GPD2: variants seen among roughly 807,000 people sequenced by gnomAD.
GPD2 encodes glycerol-3-phosphate dehydrogenase 2.
A neutral mutation model predicts 82.4 loss-of-function variants in GPD2; 54 were observed. The ratio of observed to expected loss-of-function variants is 0.66; its 90% CI spans 0.53 to 0.82. The LOEUF (loss-of-function observed/expected upper bound fraction) is 0.82. Among genes scored for constraint, GPD2 ranks in the 40% least tolerant of loss-of-function variants. The pLI is 0.00. For missense variants in GPD2, 748 were observed against 896.2 expected, an observed-to-expected ratio of 0.83 and a Z score of 2.11; for synonymous variants, 288 against 306.1, an observed-to-expected ratio of 0.94 and a Z score of 0.62.
the GPD2 span, among the ~76,000 whole-genome samples, chr2:156,416,788 AC>A: frequency 1.6e-3 from 248 of 152,272 alleles, no homozygotes; most frequent in African/African-American, 5.7e-3. Context: ...TTGGCAATAG[AC>A]ACAATAAATA....
chr2:156,540,764 A>C (rs1043932414), intron 6 of GPD2, among the ~76,000 whole-genome samples: 4 of 152,206 alleles, frequency 2.6e-5, no homozygotes, highest in Admixed American at 6.5e-5. Flanking sequence ...CCTATCCTTC[A>C]TGACATACAG....
chr2:156,535,254 T>A (rs1330913433), intron 6 of GPD2, among the ~76,000 whole-genome samples: 2 of 149,192 alleles, frequency 1.3e-5, no homozygotes. Context: ...GATTTTATGC[T>A]GATGGGAAGG....
At chr2:156,438,421 A>AACT (rs1184388601) in intron 1 of GPD2, among the ~76,000 whole-genome samples, 6 of 152,224 alleles carry the variant, frequency 3.9e-5, no homozygotes, top group Admixed American at 2.6e-4. Flanking sequence ...GAATGTAGTT[A>AACT]GCTTGAAAAT....
chr2:156,449,856 C>CAAAAAAAAAAAAAAAAAAAAA (rs70987037), intron 1 of GPD2, among the ~76,000 whole-genome samples: 8 of 83,990 alleles, frequency 9.5e-5, no homozygotes, highest in African/African-American at 1.2e-4. Context: ...ACTAAATATA[C>CAAAAAAAAAAAAAAAAAAAAA]AAAAAAAAAA....
At chr2:156,577,426 G>A (rs551019663) in intron 13 of GPD2, among the ~76,000 whole-genome samples, 2 of 152,110 alleles carry the variant, frequency 1.3e-5, no homozygotes, top group Non-Finnish European at 2.9e-5. Flanking sequence ...GGTAGAAGCT[G>A]CAGTGAGCCA....
At chr2:156,538,820 C>CAA (rs34693625) in intron 6 of GPD2, among the ~76,000 whole-genome samples, 14,927 of 109,346 alleles carry the variant, frequency 0.14, 1,442 homozygotes, top group Non-Finnish European at 0.16. Context: ...GACTGCATCT[C>CAA]AAAAAAAAAA....
chr2:156,512,364 A>G (rs369349969), intron 5 of GPD2, 47 bp downstream of exon 5: 1 of 877,316 alleles, frequency 1.1e-6, no homozygotes, highest in Admixed American at 1.7e-5. Context: ...TCTGCGGTCA[A>G]TAGAACAACA....
chr2:156,583,165 A>G lies in GPD2; in HGVS notation c.*247A>G. The G allele has an allele frequency of 2.2e-6, 1 of 463,846 alleles. No individual in the cohort carries two copies. The highest frequency in any genetic ancestry group is 4.0e-6 in the Non-Finnish European group (1 of 252,418). The allele number at this position is 463,846 out of a possible 1,614,324, so 28.7% of individuals were successfully genotyped here. On this transcript the variant is annotated 3_prime_UTR_variant, in exon 17 of 17. Transcript: ENST00000438166. ...CTTTTTCTCATTTTCAATGCACATT[A>G]GTTTTGCATCTGTTTTGTGACCTGT...
chr2:156,407,816 A>G, the GPD2 span, among the ~76,000 whole-genome samples: 1 of 152,164 alleles, frequency 6.6e-6, no homozygotes, highest in Non-Finnish European at 1.5e-5. Context: ...GTACATTTTA[A>G]ATATTGCAAA....
At chr2:156,504,865 G>A (rs1441404181) in intron 3 of GPD2, among the ~76,000 whole-genome samples, 1 of 151,986 alleles carries the variant, frequency 6.6e-6, no homozygotes, top group African/African-American at 2.4e-5. Context: ...GTACATATGT[G>A]ATTATATACA....
intron 6 of GPD2, among the ~76,000 whole-genome samples, chr2:156,526,504 C>A (rs1260450865): frequency 6.6e-6 from 1 of 152,086 alleles, no homozygotes; most frequent in Non-Finnish European, 1.5e-5. Context: ...CTGTCTTATA[C>A]TAATATGTGA....
intron 14 of GPD2, 39 bp from the exon 15 acceptor site, chr2:156,579,047 T>C (rs766913471): frequency 2.6e-6 from 4 of 1,557,314 alleles, no homozygotes; most frequent in Non-Finnish European, 3.5e-6. Context: ...TTTTGGCCTA[T>C]GTAAGTATAT....
chr2:156,435,901 G>T (rs1252708612), upstream of GPD2: 1 of 152,394 alleles, frequency 6.6e-6, no homozygotes, highest in Non-Finnish European at 1.5e-5. Context: ...CAGGAAATCG[G>T]ACACCGCCAC....
At chr2:156,527,106 C>G (rs116597193) in intron 6 of GPD2, among the ~76,000 whole-genome samples, 3,187 of 152,146 alleles carry the variant, frequency 0.021, 113 homozygotes, top group African/African-American at 0.073. Context: ...AGTTATTCTG[C>G]AGATGACACA....
At chr2:156,489,964 C>G (rs1208232543) in intron 2 of GPD2, among the ~76,000 whole-genome samples, 1 of 151,106 alleles carries the variant, frequency 6.6e-6, no homozygotes. Flanking sequence ...CTCTCCCTGA[C>G]GCAGGGTTTC....
chr2:156,499,396 G>C (rs1467108456), intron 3 of GPD2, among the ~76,000 whole-genome samples: 2 of 152,066 alleles, frequency 1.3e-5, no homozygotes, highest in Non-Finnish European at 2.9e-5. Flanking sequence ...AAGATTCTAT[G>C]AAAACAGAGG....
At chr2:156,407,914 T>G in the GPD2 span, among the ~76,000 whole-genome samples, 1 of 151,928 alleles carries the variant, frequency 6.6e-6, no homozygotes, top group South Asian at 2.1e-4. Context: ...TCCTTGCACT[T>G]ATTTAATCCT....
rs184002435 is a variant in GPD2 at position 156,545,070 on chromosome 2, G to A, written c.662-4538G>A. On this transcript the variant is annotated intron_variant, in intron 6 of 16. Coordinates refer to ENST00000438166, the MANE Select transcript of GPD2 (RefSeq NM_000408.5). ...TTAAAGCAAAATAATCCCCTTATGTGCATGCATGTGAGTACGTGTGCATGT... is the reference window on the plus strand; with the variant it reads ...TTAAAGCAAAATAATCCCCTTATGTACATGCATGTGAGTACGTGTGCATGT... 2.2e-4 allele frequency among the ~76,000 whole-genome samples: 33 copies of A among 152,176 alleles called. No homozygotes were observed. In the East Asian group the frequency reaches 5.6e-3, roughly 26 times the overall value.
chr2:156,579,309 A>T (rs9711295), intron 15 of GPD2, 145 bp downstream of exon 15: 74,022 of 579,626 alleles, frequency 0.13, 5,188 homozygotes, highest in African/African-American at 0.16. Flanking sequence ...CATATTTATA[A>T]TTTTTTTTCT....
Sources: gnomAD v4.1 joint callset for allele counts (sites outside exome capture counted in the v4.1 genomes callset) on GRCh38, gnomAD v4.1.1 for gene constraint, MANE v1.5 for transcripts, NCBI Gene and HGNC (gene_info 2026-07-23, HGNC 2026-07-21) for gene names.